Variants in EEPD1 observed in about 807,000 individuals in gnomAD.
The protein encoded by EEPD1 is endonuclease/exonuclease/phosphatase family domain containing 1.
EEPD1 carries 17 observed loss-of-function variants against 46.3 expected under a neutral mutation model. That is an observed-to-expected ratio of 0.37 (90% CI 0.25 to 0.55). EEPD1 has a LOEUF of 0.55. Among genes scored for constraint, EEPD1 ranks in the 20% least tolerant of loss-of-function variants. The probability of loss-of-function intolerance (pLI) is 0.83; values close to 1 mark genes in which losing one functional copy is unlikely to be tolerated. For missense variants in EEPD1, 673 were observed against 745.6 expected, an observed-to-expected ratio of 0.90 and a Z score of 1.13; for synonymous variants, 313 against 315.6, an observed-to-expected ratio of 0.99 and a Z score of 0.09.
At chr7:36,190,638 C>T (rs904040869) in intron 2 of EEPD1, among the ~76,000 whole-genome samples, 1 of 152,234 alleles carries the variant, frequency 6.6e-6, no homozygotes, top group Non-Finnish European at 1.5e-5. Context: ...GAGGGGGAAA[C>T]ATCTGGCAGC....
chr7:36,154,743 A>G lies in EEPD1; in HGVS notation c.419A>G (p.Asn140Ser). Residue 140 changes from asparagine (N) to serine (S), a missense_variant, in exon 2 of 8, where the codon AAC becomes AGC. Physicochemically the swap from Asn to Ser is conservative, Grantham distance 46 (BLOSUM62 1). Coordinates refer to ENST00000242108, the MANE Select transcript of EEPD1 (RefSeq NM_030636.3). The surrounding 1 kb of genome is among the most constrained non-coding windows in gnomAD (Gnocchi z 4.2). ...AVPLTPRVNINTATPAQLMSV... is the reference protein window; with the variant it reads ...AVPLTPRVNISTATPAQLMSV... ...CCCCTCACCCCACGTGTTAACATCA[A>G]CACAGCCACCCCGGCCCAGCTCATG... 1 of 1,614,006 alleles carries G rather than the reference A, an allele frequency of 6.2e-7. No individual in the cohort carries two copies. Among genetic ancestry groups the G allele is most frequent in the Non-Finnish European group, 8.5e-7 (1 of 1,180,014 alleles).
In EEPD1 at chr7:36,154,831, G is replaced by A; in HGVS notation, c.507G>A (p.Gly169=). The A allele has an allele frequency of 6.2e-7, 1 of 1,614,186 alleles. No homozygotes were observed. The highest frequency in any genetic ancestry group is 8.5e-7 in the Non-Finnish European group (1 of 1,180,040). ...TCGTGGACTTCCGCCGTGAGCATGG[G>A]CCCTTTCGCAGCGTTGAGGACCTAG... ...LSIVDFRREH[G]PFRSVEDLVR... is the part of the protein sequence containing the mutation. Residue 169 remains glycine, a synonymous_variant, in exon 2 of 8, where the codon GGG becomes GGA. Coordinates refer to ENST00000242108, the MANE Select transcript of EEPD1 (RefSeq NM_030636.3). This position sits in a 1 kb window ranked among gnomAD's most constrained non-coding sequence, Gnocchi z 4.2.
chr7:36,266,019 C>A (rs1158275609), intron 3 of EEPD1, among the ~76,000 whole-genome samples: 1 of 152,092 alleles, frequency 6.6e-6, no homozygotes, highest in Non-Finnish European at 1.5e-5. Flanking sequence ...GCATCTCAGG[C>A]GATGTAAACC....
chr7:36,196,262 A>G (rs1159442253), intron 2 of EEPD1, among the ~76,000 whole-genome samples: 1 of 151,644 alleles, frequency 6.6e-6, no homozygotes. Flanking sequence ...ACACTCCTGT[A>G]GATTTTATAA....
chr7:36,196,061 T>C (rs529128736), intron 2 of EEPD1, among the ~76,000 whole-genome samples: 108 of 152,352 alleles, frequency 7.1e-4, no homozygotes, highest in African/African-American at 2.5e-3. Context: ...CTGAATATTA[T>C]AACTGTAACA....
At chr7:36,245,780 A>G (rs1459109109) in intron 3 of EEPD1, among the ~76,000 whole-genome samples, 1 of 152,198 alleles carries the variant, frequency 6.6e-6, no homozygotes, top group Non-Finnish European at 1.5e-5. Context: ...AGTGTTTTGG[A>G]TTTAGATGTG....
intron 3 of EEPD1, among the ~76,000 whole-genome samples, chr7:36,252,871 G>A (rs543530886): frequency 2.0e-5 from 2 of 99,882 alleles, no homozygotes; most frequent in South Asian, 7.0e-4. Flanking sequence ...ATCAGTCTAG[G>A]TAAAGGTTTC....
At chr7:36,180,606 T>C (rs1454283199) in intron 2 of EEPD1, among the ~76,000 whole-genome samples, 2 of 152,158 alleles carry the variant, frequency 1.3e-5, no homozygotes, top group African/African-American at 4.8e-5. Context: ...TTGTGGCTCT[T>C]AGGGCAGCCC....
intron 2 of EEPD1, among the ~76,000 whole-genome samples, chr7:36,174,084 A>T (rs1302488955): frequency 6.6e-6 from 1 of 152,184 alleles, no homozygotes; most frequent in Non-Finnish European, 1.5e-5. Flanking sequence ...TGGTGGCAGT[A>T]AGTGGTGGCC....
chr7:36,194,642 A>T (rs1400982608), intron 2 of EEPD1, among the ~76,000 whole-genome samples: 2 of 152,150 alleles, frequency 1.3e-5, no homozygotes, highest in Non-Finnish European at 2.9e-5. Context: ...CTTTCCATGG[A>T]TGTGACTCTA....
intron 2 of EEPD1, among the ~76,000 whole-genome samples, chr7:36,236,357 C>G (rs553153443): frequency 6.6e-6 from 1 of 152,356 alleles, no homozygotes; most frequent in Non-Finnish European, 1.5e-5. Flanking sequence ...GCTTGGCAAG[C>G]CCCGCACTAG....
In EEPD1 at chr7:36,284,794, C is replaced by T; in HGVS notation, c.1150C>T (p.Pro384Ser). ...PSNGHGKLAG[P>S]SPYLGRFKVG... ...CAACGGGCACGGGAAGCTGGCGGGCCCCAGCCCATACCTCGGGAGGTTCAA... is the reference window on the plus strand; with the variant it reads ...CAACGGGCACGGGAAGCTGGCGGGCTCCAGCCCATACCTCGGGAGGTTCAA... The change falls in exon 5 of 8, where the codon CCC (proline) becomes TCC (serine). Residue 384 changes from proline (P) to serine (S), a missense_variant. Coordinates refer to ENST00000242108, the MANE Select transcript of EEPD1 (RefSeq NM_030636.3). 6.4e-7 allele frequency: 1 copy of T among 1,572,984 alleles called. No homozygotes were observed. Among genetic ancestry groups the T allele is most frequent in the Non-Finnish European group, 8.6e-7 (1 of 1,158,358 alleles).
At chr7:36,224,132 T>C (rs1786192391) in intron 2 of EEPD1, among the ~76,000 whole-genome samples, 1 of 152,248 alleles carries the variant, frequency 6.6e-6, no homozygotes, top group Non-Finnish European at 1.5e-5. Flanking sequence ...TTTCAGCTTT[T>C]TAAAAAGTGG....
At chr7:36,220,120 ATCT>A (rs1786119004) in intron 2 of EEPD1, among the ~76,000 whole-genome samples, 1 of 152,148 alleles carries the variant, frequency 6.6e-6, no homozygotes, top group Non-Finnish European at 1.5e-5. Flanking sequence ...AACTAGTTTG[ATCT>A]TGTTGTTTCT....
At chr7:36,228,159 C>T (rs1013050400) in intron 2 of EEPD1, among the ~76,000 whole-genome samples, 16 of 152,140 alleles carry the variant, frequency 1.1e-4, no homozygotes, top group Admixed American at 2.6e-4. Context: ...GGAAAAGAGG[C>T]GTGTTCAGAC....
intron 3 of EEPD1, among the ~76,000 whole-genome samples, chr7:36,256,646 C>T (rs1383594891): frequency 1.3e-5 from 2 of 152,102 alleles, no homozygotes; most frequent in East Asian, 3.9e-4. Flanking sequence ...ATTTCAACCT[C>T]TGCTTTTTTT....
intron 2 of EEPD1, among the ~76,000 whole-genome samples, chr7:36,161,704 T>G (rs963652509): frequency 1.3e-5 from 2 of 152,074 alleles, no homozygotes; most frequent in East Asian, 3.8e-4. Context: ...CATTTTAATT[T>G]CAAAATGACC....
chr7:36,264,912 G>GA (rs72136431), intron 3 of EEPD1, among the ~76,000 whole-genome samples: 120 of 147,062 alleles, frequency 8.2e-4, no homozygotes, highest in East Asian at 7.3e-3. Context: ...TGCCCACACT[G>GA]AAAAAAAAAA....
intron 3 of EEPD1, among the ~76,000 whole-genome samples, chr7:36,270,424 C>T (rs1000625863): frequency 2.6e-5 from 4 of 152,062 alleles, no homozygotes; most frequent in East Asian, 1.9e-4. Flanking sequence ...CCATCATCTA[C>T]ATTAGGTATA....
Sources: gnomAD v4.1 joint callset for allele counts (sites outside exome capture counted in the v4.1 genomes callset) on GRCh38, gnomAD v4.1.1 for gene constraint, Gnocchi (gnomAD v3.1) non-coding constraint, MANE v1.5 for transcripts, NCBI Gene and HGNC (gene_info 2026-07-23, HGNC 2026-07-21) for gene names.